The following CHRNA7 variants were observed in gnomAD, a reference collection of about 807,000 sequenced individuals.
CHRNA7 encodes the protein neuronal acetylcholine receptor subunit alpha-7.
CHRNA7 carries 17 observed loss-of-function variants against 48.0 expected under a neutral mutation model. The ratio of observed to expected loss-of-function variants is 0.35; its 90% CI spans 0.24 to 0.53. The LOEUF (loss-of-function observed/expected upper bound fraction) is 0.53, where lower values mean the gene tolerates loss of function less well. Ranked by LOEUF, CHRNA7 falls within the 20% of genes least tolerant of loss-of-function variation. CHRNA7 has a pLI of 0.92. For synonymous variants in CHRNA7, 75 were observed against 242.3 expected, an observed-to-expected ratio of 0.31 and a Z score of 6.41; for missense variants, 155 against 577.7, an observed-to-expected ratio of 0.27 and a Z score of 7.50.
At chr15:32,087,963 T>A (rs1330872071) in intron 2 of CHRNA7, among the ~76,000 whole-genome samples, 1 of 152,198 alleles carries the variant, frequency 6.6e-6, no homozygotes, top group East Asian at 1.9e-4. Context: ...TTGTTTTGTA[T>A]TTTGCATTCA....
At chr15:32,148,679 G>A (rs1446342378) in intron 4 of CHRNA7, among the ~76,000 whole-genome samples, 1 of 152,226 alleles carries the variant, frequency 6.6e-6, no homozygotes, top group Non-Finnish European at 1.5e-5. Context: ...AATCCCATAA[G>A]GATTGGGCTT....
intron 2 of CHRNA7, among the ~76,000 whole-genome samples, chr15:32,046,331 T>C (rs2049545741): frequency 6.9e-6 from 1 of 144,436 alleles, no homozygotes; most frequent in Non-Finnish European, 1.5e-5. Context: ...CCAGCACCTG[T>C]TGTTTCCTGA....
chr15:32,116,694 C>T (rs1415421321), intron 4 of CHRNA7, among the ~76,000 whole-genome samples: 6 of 152,222 alleles, frequency 3.9e-5, no homozygotes, highest in South Asian at 2.1e-4. Context: ...GCCCCTACAC[C>T]GTGCAGAGAC....
intron 4 of CHRNA7, among the ~76,000 whole-genome samples, chr15:32,136,767 G>C (rs10459632): frequency 0.61 from 91,722 of 151,586 alleles, 28,802 homozygotes; most frequent in African/African-American, 0.78. Context: ...CGCGGTGGCT[G>C]ACGCCTGTAA....
At position 32,080,229 on chromosome 15, in the gene CHRNA7, C is replaced by T. The variant is rs142530530; in HGVS notation, c.196-21074C>T. 8.4e-3 allele frequency among the ~76,000 whole-genome samples: 1,274 copies of T among 152,178 alleles called. 22 individuals carry two copies. The highest frequency in any genetic ancestry group is 0.029 in the African/African-American group (1,201 of 41,534). On this transcript the variant is annotated intron_variant, in intron 2 of 9. Coordinates refer to ENST00000306901, the MANE Select transcript of CHRNA7 (RefSeq NM_000746.6). ...AAAATGTAGGCACTATCATTCAGGA[C>T]GTAGGCATGGGCAAAGATTTCATGT...
At chr15:32,088,859 T>A (rs146780210) in intron 2 of CHRNA7, among the ~76,000 whole-genome samples, 1 of 152,158 alleles carries the variant, frequency 6.6e-6, no homozygotes, top group Non-Finnish European at 1.5e-5. Flanking sequence ...TGTATCCCAG[T>A]CTGTAGTTTT....
At chr15:32,052,141 A>T (rs1217676338) in intron 2 of CHRNA7, among the ~76,000 whole-genome samples, 1 of 151,384 alleles carries the variant, frequency 6.6e-6, no homozygotes, top group Non-Finnish European at 1.5e-5. Context: ...CTCTTCCTGG[A>T]TCTTGTCCCT....
At chr15:32,097,040 G>C (rs2050482130) in intron 2 of CHRNA7, among the ~76,000 whole-genome samples, 2 of 152,128 alleles carry the variant, frequency 1.3e-5, no homozygotes, top group Admixed American at 1.3e-4. Flanking sequence ...ACAGCCATTG[G>C]CACTGAGTGA....
Position 32,168,544 on chromosome 15 carries a change from GC to G in CHRNA7, c.*87del. The G allele has an allele frequency of 2.5e-6, 1 of 404,072 alleles. No individual in the cohort carries two copies. The highest frequency in any genetic ancestry group is 4.2e-6 in the Non-Finnish European group (1 of 239,198). The allele number at this position is 404,072 out of a possible 1,614,324, so 25.0% of individuals were successfully genotyped here. ...GATTTGGGGGTGCTAATCCAGGACA[GC>G]ATTACACGCCACAACTCCAGTGTTC... is the stretch of plus-strand genomic sequence containing the variant. On this transcript the variant is annotated 3_prime_UTR_variant, in exon 10 of 10. Transcript: ENST00000306901.
chr15:32,091,347 T>C (rs538740145), intron 2 of CHRNA7, among the ~76,000 whole-genome samples: 1 of 152,280 alleles, frequency 6.6e-6, no homozygotes, highest in East Asian at 1.9e-4. Context: ...TTTATTATTA[T>C]TTTCTTTCTT....
intron 2 of CHRNA7, among the ~76,000 whole-genome samples, chr15:32,034,050 T>A (rs1901969438): frequency 1.3e-5 from 2 of 152,230 alleles, no homozygotes. Context: ...AGAGATCTCA[T>A]GAGCTGGCTA....
chr15:32,083,827 C>T (rs1209925900), intron 2 of CHRNA7, among the ~76,000 whole-genome samples: 2 of 152,082 alleles, frequency 1.3e-5, no homozygotes, highest in African/African-American at 2.4e-5. Flanking sequence ...AATTTGGTTC[C>T]TGATTTTGTG....
chr15:32,070,588 G>T (rs753329701), intron 2 of CHRNA7, among the ~76,000 whole-genome samples: 2 of 147,042 alleles, frequency 1.4e-5, no homozygotes, highest in East Asian at 2.0e-4. Flanking sequence ...TCTTAAAAAG[G>T]TTTATAGTTT....
intron 4 of CHRNA7, among the ~76,000 whole-genome samples, chr15:32,134,405 C>G (rs982639130): frequency 2.0e-5 from 3 of 152,172 alleles, no homozygotes; most frequent in African/African-American, 7.2e-5. Context: ...GTGATCCGCC[C>G]TCCTCGGCCT....
At chr15:32,054,761 A>G (rs930873282) in intron 2 of CHRNA7, among the ~76,000 whole-genome samples, 6 of 151,984 alleles carry the variant, frequency 3.9e-5, no homozygotes, top group African/African-American at 1.5e-4. Flanking sequence ...CTTCATTTCT[A>G]TTGTATGAAT....
At chr15:32,039,411 G>A (rs923123322) in intron 2 of CHRNA7, among the ~76,000 whole-genome samples, 8 of 151,918 alleles carry the variant, frequency 5.3e-5, no homozygotes, top group African/African-American at 1.7e-4. Context: ...ATAGATTTTC[G>A]CTTAAGGACT....
chr15:32,078,868 A>G (rs375742344), intron 2 of CHRNA7, among the ~76,000 whole-genome samples: 3 of 152,300 alleles, frequency 2.0e-5, no homozygotes, highest in Middle Eastern at 3.4e-3. Context: ...CTTCAGGCCA[A>G]TATCCCTGAT....
intron 3 of CHRNA7, among the ~76,000 whole-genome samples, chr15:32,110,046 A>T (rs1172020533): frequency 6.6e-6 from 1 of 152,216 alleles, no homozygotes; most frequent in Non-Finnish European, 1.5e-5. Context: ...TTTCCAGGGC[A>T]GTTCGTGGAA....
At chr15:32,134,437 C>T (rs781772840) in intron 4 of CHRNA7, among the ~76,000 whole-genome samples, 23 of 152,182 alleles carry the variant, frequency 1.5e-4, no homozygotes, top group African/African-American at 2.4e-4. Context: ...GGGATTCAGG[C>T]GTGAGCCACC....
Sources: gnomAD v4.1 joint callset for allele counts (sites outside exome capture counted in the v4.1 genomes callset) on GRCh38, gnomAD v4.1.1 for gene constraint, MANE v1.5 for transcripts, NCBI Gene and HGNC (gene_info 2026-07-23, HGNC 2026-07-21) for gene names.